Variants in FOCAD observed in about 807,000 individuals in gnomAD.
FOCAD encodes KIAA1797.
FOCAD carries 198 observed loss-of-function variants against 225.6 expected under a neutral mutation model. The observed-to-expected ratio is 0.88, with a 90% CI of 0.78 to 0.99. FOCAD has a LOEUF of 0.99. Among genes scored for constraint, FOCAD ranks in the 50% least tolerant of loss-of-function variants. The pLI, the probability that FOCAD is intolerant of heterozygous loss-of-function variation, is 0.00. For synonymous variants in FOCAD, 897 were observed against 755.0 expected, an observed-to-expected ratio of 1.19 and a Z score of -3.08; for missense variants, 2,713 against 2,123.6, an observed-to-expected ratio of 1.28 and a Z score of -5.46.
At chr9:20,802,589 G>A (rs960198440) in intron 11 of FOCAD, among the ~76,000 whole-genome samples, 2 of 152,018 alleles carry the variant, frequency 1.3e-5, no homozygotes, top group African/African-American at 2.4e-5. Context: ...AATATATTAG[G>A]TGTATCTACC....
intron 15 of FOCAD, among the ~76,000 whole-genome samples, chr9:20,843,109 A>G (rs1826708778): frequency 1.3e-5 from 2 of 151,890 alleles, no homozygotes; most frequent in African/African-American, 4.8e-5. Flanking sequence ...TTTATTTTTT[A>G]GTTTTTCTAC....
chr9:20,845,406 C>T (rs921155203), intron 15 of FOCAD, among the ~76,000 whole-genome samples: 1 of 136,734 alleles, frequency 7.3e-6, no homozygotes, highest in Non-Finnish European at 1.5e-5. Context: ...GAACCTGATT[C>T]TTCTCCTCTT....
At chr9:20,935,873 C>T (rs1399000654) in intron 28 of FOCAD, among the ~76,000 whole-genome samples, 2 of 152,124 alleles carry the variant, frequency 1.3e-5, no homozygotes, top group South Asian at 2.1e-4. Context: ...CTTTCCCTTC[C>T]CCATGCTAAC....
intron 35 of FOCAD, among the ~76,000 whole-genome samples, chr9:20,955,686 T>C (rs1035581237): frequency 1.3e-5 from 2 of 152,148 alleles, no homozygotes; most frequent in Non-Finnish European, 2.9e-5. Context: ...GCTCATCATC[T>C]AATTCCTCCT....
At chr9:20,758,069 G>A (rs896816738) in intron 5 of FOCAD, 21 bp from the exon 6 acceptor site, 2 of 1,555,088 alleles carry the variant, frequency 1.3e-6, no homozygotes, top group East Asian at 2.3e-5. Context: ...AGGTTCCCAT[G>A]TGACTTTCTG....
chr9:20,861,965 A>G (rs995891033), intron 15 of FOCAD, among the ~76,000 whole-genome samples: 2 of 152,082 alleles, frequency 1.3e-5, no homozygotes, highest in Non-Finnish European at 2.9e-5. Flanking sequence ...AAATGATACA[A>G]CATTTTTGCT....
chr9:20,733,707 TC>T (rs1418937088), intron 4 of FOCAD, among the ~76,000 whole-genome samples: 1 of 152,132 alleles, frequency 6.6e-6, no homozygotes, highest in Non-Finnish European at 1.5e-5. Flanking sequence ...GTTCAGGAAG[TC>T]CTTCCTCACT....
At chr9:20,928,686 A>G (rs1379991958) in intron 26 of FOCAD, among the ~76,000 whole-genome samples, 1 of 152,192 alleles carries the variant, frequency 6.6e-6, no homozygotes, top group African/African-American at 2.4e-5. Flanking sequence ...GAAGGGGCAT[A>G]TAGAGCTCTC....
intron 21 of FOCAD, among the ~76,000 whole-genome samples, chr9:20,902,450 G>C (rs117931138): frequency 6.6e-4 from 100 of 152,036 alleles, no homozygotes; most frequent in African/African-American, 2.2e-3. Context: ...GGAGAAATTG[G>C]TTAAAGGTCT....
intron 9 of FOCAD, among the ~76,000 whole-genome samples, chr9:20,779,020 A>G (rs551115589): frequency 1.3e-5 from 2 of 152,352 alleles, no homozygotes; most frequent in East Asian, 3.9e-4. Flanking sequence ...AGTAACATTC[A>G]GGAATATATT....
intron 2 of FOCAD, among the ~76,000 whole-genome samples, chr9:20,674,722 A>G (rs902750310): frequency 5.3e-5 from 8 of 152,166 alleles, no homozygotes; most frequent in African/African-American, 1.9e-4. Flanking sequence ...ATTTTATTTG[A>G]CTTTGCTCTG....
rs149982477 is a variant in FOCAD at position 20,977,567 on chromosome 9, T to A, written c.4262-772T>A. 2.2e-3 allele frequency among the ~76,000 whole-genome samples: 336 copies of A among 152,334 alleles called. 9 individuals carry two copies. The East Asian group carries it at 0.043, about 19-fold the overall frequency. ...AGATGAAGAGCAATTTAAACAGTGT[T>A]GTAAAATTGTGTGTGTTTGTGTCTG... On this transcript the variant is annotated intron_variant, in intron 36 of 43. Transcript: ENST00000338382.
chr9:20,833,459 A>G (rs1325454795), intron 15 of FOCAD, among the ~76,000 whole-genome samples: 2 of 152,112 alleles, frequency 1.3e-5, no homozygotes, highest in African/African-American at 4.8e-5. Context: ...AGATAAACAT[A>G]CTAATATCTA....
chr9:20,948,775 G>A lies in FOCAD; in HGVS notation c.3799-76G>A, dbSNP rs988724682. On this transcript the variant is annotated intron_variant, in intron 31 of 43. Transcript: ENST00000338382. ...TACCAATTCGACCATTTATTTCTCC[G>A]TGTCCTCAGAAGTTTTATAGAATCT... The A allele has an allele frequency of 2.2e-5, 33 of 1,491,954 alleles. No homozygotes were observed. In the East Asian group the frequency reaches 4.5e-4, roughly 21 times the overall value. The allele number at this position is 1,491,954 out of a possible 1,614,324, so 92.4% of individuals were successfully genotyped here.
intron 15 of FOCAD, among the ~76,000 whole-genome samples, chr9:20,857,967 T>G (rs1337309096): frequency 1.3e-5 from 2 of 152,076 alleles, no homozygotes; most frequent in Non-Finnish European, 2.9e-5. Flanking sequence ...AAACAATCTT[T>G]TTAATGTATT....
intron 2 of FOCAD, among the ~76,000 whole-genome samples, chr9:20,663,839 C>T (rs1351859051): frequency 1.3e-5 from 2 of 152,176 alleles, no homozygotes; most frequent in Admixed American, 6.5e-5. Context: ...ACAAAGTGTA[C>T]TTTATATGAT....
intron 5 of FOCAD, among the ~76,000 whole-genome samples, chr9:20,750,517 A>T (rs1031824946): frequency 6.6e-6 from 1 of 152,182 alleles, no homozygotes; most frequent in East Asian, 1.9e-4. Flanking sequence ...ATTGCAGAAA[A>T]ACAACAACAA....
chr9:20,781,982 G>C, intron 10 of FOCAD, 53 bp downstream of exon 10: 1 of 1,498,674 alleles, frequency 6.7e-7, no homozygotes, highest in South Asian at 1.1e-5. Flanking sequence ...TGGGATTTCG[G>C]TCTTTACGGA....
chr9:20,862,667 A>G lies in FOCAD; in HGVS notation c.2010A>G (p.Leu670=), dbSNP rs1264839786. Residue 670 remains leucine (L), a synonymous_variant, in exon 16 of 44, where the codon CTA becomes CTG. Transcript: ENST00000338382. ...TCATTCTGAAGACACTGAGTGAACT[A>G]TTTTCTCTAGTTCCTTCCTTAACGG... The part of the protein sequence containing the change: ...RPLILKTLSE[L]FSLVPSLTVN... 1.2e-5 allele frequency: 19 copies of G among 1,613,118 alleles called. No individual in the cohort carries two copies. In the Admixed American group the frequency reaches 1.5e-4, roughly 13 times the overall value.
Sources: gnomAD v4.1 joint callset for allele counts (sites outside exome capture counted in the v4.1 genomes callset) on GRCh38, gnomAD v4.1.1 for gene constraint, MANE v1.5 for transcripts, NCBI Gene and HGNC (gene_info 2026-07-23, HGNC 2026-07-21) for gene names.